Variants in GOLIM4 observed in about 807,000 individuals in gnomAD.
GOLIM4 encodes the protein 130 kDa golgi-localized phosphoprotein.
A neutral mutation model predicts 107.4 loss-of-function variants in GOLIM4; 71 were observed. That is an observed-to-expected ratio of 0.66 (90% CI 0.55 to 0.81). GOLIM4 has a LOEUF of 0.81. Ranked by LOEUF, GOLIM4 falls within the 30% of genes least tolerant of loss-of-function variation. The pLI is 0.00. For missense variants in GOLIM4, 830 were observed against 826.1 expected, an observed-to-expected ratio of 1.00 and a Z score of -0.06; for synonymous variants, 327 against 294.8, an observed-to-expected ratio of 1.11 and a Z score of -1.12.
At chr3:168,035,125 G>A (rs1033180717) in intron 8 of GOLIM4, among the ~76,000 whole-genome samples, 2 of 150,942 alleles carry the variant, frequency 1.3e-5, no homozygotes, top group Non-Finnish European at 1.5e-5. Flanking sequence ...ACACCAGTCA[G>A]AAGAGCTATT....
chr3:168,023,882 G>C (rs12489039), intron 14 of GOLIM4, among the ~76,000 whole-genome samples: 2,599 of 151,914 alleles, frequency 0.017, 75 homozygotes, highest in African/African-American at 0.06. Flanking sequence ...CACAATAAAC[G>C]CTACTTATAT....
intron 8 of GOLIM4, among the ~76,000 whole-genome samples, chr3:168,035,304 G>C (rs1026763637): frequency 3.3e-5 from 5 of 152,136 alleles, no homozygotes; most frequent in Non-Finnish European, 7.4e-5. Context: ...TCCCATTACT[G>C]GGTATATGCC....
intron 1 of GOLIM4, among the ~76,000 whole-genome samples, chr3:168,078,297 G>C (rs1577571295): frequency 6.6e-6 from 1 of 151,834 alleles, no homozygotes; most frequent in African/African-American, 2.4e-5. Flanking sequence ...TAATTTGTAT[G>C]GTAGCAAACT....
At chr3:168,052,388 TCACA>T (rs892164076) in intron 1 of GOLIM4, among the ~76,000 whole-genome samples, 50 of 151,326 alleles carry the variant, frequency 3.3e-4, no homozygotes, top group South Asian at 8.4e-4. Flanking sequence ...ACACACTCTC[TCACA>T]CACACACTCT....
intron 1 of GOLIM4, among the ~76,000 whole-genome samples, chr3:168,075,452 A>G (rs969183671): frequency 4.6e-5 from 7 of 151,126 alleles, no homozygotes; most frequent in Non-Finnish European, 8.9e-5. Context: ...ACCCGCCACT[A>G]CGCCCGGCTA....
chr3:168,012,514 G>A (rs1238536145), intron 14 of GOLIM4, among the ~76,000 whole-genome samples: 6 of 140,170 alleles, frequency 4.3e-5, no homozygotes, highest in East Asian at 2.0e-4. Context: ...GCAGGCCAAC[G>A]TTCAGATTCA....
chr3:168,050,040 C>A (rs898803530), intron 1 of GOLIM4, among the ~76,000 whole-genome samples: 1 of 152,102 alleles, frequency 6.6e-6, no homozygotes, highest in Non-Finnish European at 1.5e-5. Flanking sequence ...TCAACTTTTC[C>A]CTCATCCGTA....
In GOLIM4 at chr3:168,042,990, A is replaced by C. The variant is rs138813004; in HGVS notation, c.517+389T>G. 1.4e-3 allele frequency among the ~76,000 whole-genome samples: 215 copies of C among 152,276 alleles called. 1 individual carries two copies. The highest frequency in any genetic ancestry group is 5.1e-3 in the African/African-American group (213 of 41,550). ...CAACAGCAAGTCTCTGCTCCCTTGG[A>C]GATTTTTAGAAATATATGGAGCAAT... On this transcript the variant is annotated intron_variant, in intron 5 of 15. Transcript: ENST00000470487.
In GOLIM4 at chr3:168,095,449, C is replaced by G. The variant is rs529202612; in HGVS notation, c.-164G>C. On this transcript the variant is annotated 5_prime_UTR_variant, in exon 1 of 16. Transcript: ENST00000470487. ...GAGGGGAAGTGGCGCCCGCTCAGCC[C>G]CCGCGCGGCGCGGGGCGCGCAGCCA... 1.8e-6 allele frequency: 1 copy of G among 560,810 alleles called. No homozygotes were observed. The highest frequency in any genetic ancestry group is 2.0e-5 in the African/African-American group (1 of 49,196). The allele number at this position is 560,810 out of a possible 1,614,324, so 34.7% of individuals were successfully genotyped here. A position where few individuals can be genotyped will look rare whatever the true frequency, so the allele number is the denominator to read the frequency against.
intron 5 of GOLIM4, among the ~76,000 whole-genome samples, chr3:168,042,101 G>C (rs1719039749): frequency 1.3e-5 from 2 of 152,216 alleles, no homozygotes; most frequent in Admixed American, 1.3e-4. Flanking sequence ...TACAAATACA[G>C]TACATTACCA....
At chr3:168,044,970 T>C (rs1324192161) in intron 3 of GOLIM4, 89 bp from the exon 4 acceptor site, 2 of 709,578 alleles carry the variant, frequency 2.8e-6, no homozygotes, top group East Asian at 2.8e-5. Context: ...TATAACTTTA[T>C]TTATTTCACT....
chr3:168,055,048 C>T (rs1719866898), intron 1 of GOLIM4, among the ~76,000 whole-genome samples: 1 of 152,162 alleles, frequency 6.6e-6, no homozygotes, highest in Non-Finnish European at 1.5e-5. Flanking sequence ...CAATAAACTG[C>T]TTTCTTTTGT....
chr3:168,074,494 T>C (rs2108281712), intron 1 of GOLIM4, among the ~76,000 whole-genome samples: 1 of 152,254 alleles, frequency 6.6e-6, no homozygotes. Context: ...GAGAAAGGCG[T>C]GAGCTTGAGA....
At chr3:168,047,171 G>GA (rs1434345729) in intron 2 of GOLIM4, among the ~76,000 whole-genome samples, 172 bp from the exon 3 acceptor site, 1 of 152,094 alleles carries the variant, frequency 6.6e-6, no homozygotes, top group African/African-American at 2.4e-5. Context: ...GAAAGAATTG[G>GA]AAAAAACATA....
At chr3:168,046,698 C>A (rs1719325180) in intron 3 of GOLIM4, among the ~76,000 whole-genome samples, 1 of 151,850 alleles carries the variant, frequency 6.6e-6, no homozygotes, top group African/African-American at 2.4e-5. Flanking sequence ...ATGAAATAAT[C>A]TTCTTTTTAT....
At chr3:168,043,595 C>T (rs2108246873) in intron 4 of GOLIM4, 66 bp from the exon 5 acceptor site, 1 of 1,294,528 alleles carries the variant, frequency 7.7e-7, no homozygotes, top group Non-Finnish European at 1.1e-6. Context: ...TATTTCTTGA[C>T]AGCACAGTAA....
At chr3:168,010,561 G>T in intron 15 of GOLIM4, 143 bp from the exon 16 acceptor site, 1 of 751,038 alleles carries the variant, frequency 1.3e-6, no homozygotes, top group Non-Finnish European at 2.2e-6. Flanking sequence ...CAGTGCTGCT[G>T]TCTCTCCTAC....
chr3:168,066,829 A>G (rs1720571688), intron 1 of GOLIM4, among the ~76,000 whole-genome samples: 1 of 152,124 alleles, frequency 6.6e-6, no homozygotes, highest in African/African-American at 2.4e-5. Flanking sequence ...AAATGCATTA[A>G]CTTACAAAAC....
chr3:168,095,142 G>A lies in GOLIM4; in HGVS notation c.144C>T (p.Leu48=), dbSNP rs766693882. 6.2e-7 allele frequency: 1 copy of A among 1,610,888 alleles called. No individual in the cohort carries two copies. The highest frequency in any genetic ancestry group is 8.5e-7 in the Non-Finnish European group (1 of 1,177,738). The change falls in exon 1 of 16, where the codon CTC becomes CTT. Residue 48 remains leucine (L), a synonymous_variant. Coordinates refer to ENST00000470487, the MANE Select transcript of GOLIM4 (RefSeq NM_014498.5). ...GGGACTCCTGGTGCTGCTGGTACTT[G>A]AGCGCCACCGCCTCGGCTTTCCGCA... ...TQLRKAEAVA[L]KYQQHQESLS...
Sources: gnomAD v4.1 joint callset for allele counts (sites outside exome capture counted in the v4.1 genomes callset) on GRCh38, gnomAD v4.1.1 for gene constraint, MANE v1.5 for transcripts, NCBI Gene and HGNC (gene_info 2026-07-23, HGNC 2026-07-21) for gene names.